The following NFIB variants were observed in gnomAD, a reference collection of about 807,000 sequenced individuals.
NFIB encodes nuclear factor I B.
In NFIB, 11 loss-of-function variants were observed where a neutral mutation model predicts 61.5. That is an observed-to-expected ratio of 0.18 (90% confidence interval 0.11 to 0.30). NFIB has a LOEUF of 0.30. Ranked by LOEUF, NFIB falls within the 10% of genes least tolerant of loss-of-function variation. The probability of loss-of-function intolerance (pLI) is 1.00; values close to 1 mark genes in which losing one functional copy is unlikely to be tolerated. For synonymous variants in NFIB, 260 were observed against 216.5 expected, an observed-to-expected ratio of 1.20 and a Z score of -1.76; for missense variants, 471 against 608.9, an observed-to-expected ratio of 0.77 and a Z score of 2.38.
At chr9:14,424,946 G>A in the NFIB span, among the ~76,000 whole-genome samples, 1 of 152,122 alleles carries the variant, frequency 6.6e-6, no homozygotes, top group East Asian at 1.9e-4. Context: ...AAGAAAGGGT[G>A]GAAAGTGAAT....
At chr9:14,289,479 G>C (rs1400596401) in intron 2 of NFIB, among the ~76,000 whole-genome samples, 1 of 151,026 alleles carries the variant, frequency 6.6e-6, no homozygotes, top group Non-Finnish European at 1.5e-5. Flanking sequence ...ATATATATTT[G>C]GTATACCAAT....
the NFIB span, among the ~76,000 whole-genome samples, chr9:14,501,247 G>T: frequency 6.6e-6 from 1 of 152,112 alleles, no homozygotes; most frequent in Non-Finnish European, 1.5e-5. Flanking sequence ...CCGCTCCTAT[G>T]ATCATACTAT....
chr9:14,440,468 T>C, the NFIB span, among the ~76,000 whole-genome samples: 1 of 152,210 alleles, frequency 6.6e-6, no homozygotes, highest in Non-Finnish European at 1.5e-5. Context: ...ACAAATATAC[T>C]TGTTGAATTA....
chr9:14,181,683 T>A (rs1587381051), intron 2 of NFIB, among the ~76,000 whole-genome samples: 1 of 152,212 alleles, frequency 6.6e-6, no homozygotes, highest in East Asian at 1.9e-4. Flanking sequence ...TACATTCCAG[T>A]TTAATTTCTC....
At chr9:14,214,738 T>C (rs1357118976) in intron 2 of NFIB, among the ~76,000 whole-genome samples, 2 of 152,236 alleles carry the variant, frequency 1.3e-5, no homozygotes, top group Non-Finnish European at 2.9e-5. Context: ...TGTTTCTATT[T>C]TCTTGGTCCT....
At chr9:14,202,731 G>A (rs1167156535) in intron 2 of NFIB, among the ~76,000 whole-genome samples, 1 of 152,042 alleles carries the variant, frequency 6.6e-6, no homozygotes, top group Non-Finnish European at 1.5e-5. Flanking sequence ...CTGAGAAATG[G>A]GTAAGCAAAT....
chr9:14,297,679 T>C (rs1277851792), intron 2 of NFIB, among the ~76,000 whole-genome samples: 3 of 152,246 alleles, frequency 2.0e-5, no homozygotes, highest in African/African-American at 7.2e-5. Context: ...GTATAAACAG[T>C]ACGCAACACG....
At chr9:14,529,179 C>G in the NFIB span, among the ~76,000 whole-genome samples, 1 of 152,058 alleles carries the variant, frequency 6.6e-6, no homozygotes, top group Non-Finnish European at 1.5e-5. Flanking sequence ...ACATGCCTGT[C>G]TAGGAAGGAA....
intron 10 of NFIB, among the ~76,000 whole-genome samples, chr9:14,092,306 T>C (rs539231886): frequency 3.3e-5 from 5 of 152,194 alleles, no homozygotes; most frequent in East Asian, 3.9e-4. Flanking sequence ...TTCCAGACGA[T>C]AGCCATGCTG....
chr9:14,186,408 T>C (rs2047340335), intron 2 of NFIB, among the ~76,000 whole-genome samples: 1 of 152,182 alleles, frequency 6.6e-6, no homozygotes, highest in South Asian at 2.1e-4. Context: ...AGTCTCTTTC[T>C]TTCTCTCTAA....
At chr9:14,497,158 G>T in the NFIB span, among the ~76,000 whole-genome samples, 2 of 152,152 alleles carry the variant, frequency 1.3e-5, no homozygotes. Context: ...TATATTCCAG[G>T]TATCTAGGTT....
chr9:14,108,027 A>G (rs2036818978), intron 10 of NFIB, among the ~76,000 whole-genome samples: 1 of 152,150 alleles, frequency 6.6e-6, no homozygotes, highest in Non-Finnish European at 1.5e-5. Flanking sequence ...CAATGGAAGG[A>G]TTTTTTGAAT....
chr9:14,161,900 G>A (rs897135358), intron 3 of NFIB, among the ~76,000 whole-genome samples: 1 of 152,048 alleles, frequency 6.6e-6, no homozygotes, highest in African/African-American at 2.4e-5. Context: ...CACTCCTTAG[G>A]GCAAGCTGTG....
the NFIB span, among the ~76,000 whole-genome samples, chr9:14,433,470 AC>A: frequency 6.6e-6 from 1 of 152,232 alleles, no homozygotes; most frequent in Non-Finnish European, 1.5e-5. Flanking sequence ...TCCTGCAATT[AC>A]TGATAAGGGA....
intron 4 of NFIB, among the ~76,000 whole-genome samples, chr9:14,153,359 T>A (rs2043062539): frequency 6.6e-6 from 1 of 152,018 alleles, no homozygotes; most frequent in African/African-American, 2.4e-5. Context: ...CAAGTCTCAG[T>A]CAGATATTCC....
At chr9:14,346,260 T>C (rs1453777781) in intron 1 of NFIB, among the ~76,000 whole-genome samples, 1 of 147,440 alleles carries the variant, frequency 6.8e-6, no homozygotes, top group Non-Finnish European at 1.5e-5. Flanking sequence ...GGTGGAGATT[T>C]CATATCCGCA....
the NFIB span, among the ~76,000 whole-genome samples, chr9:14,471,647 G>A: frequency 4.6e-5 from 7 of 152,198 alleles, no homozygotes; most frequent in South Asian, 1.0e-3. Context: ...GTGGGGAGTA[G>A]AATTTAAGGT....
In NFIB at chr9:14,299,989, C is replaced by T. The variant is rs1273168674; in HGVS notation, c.562+7000G>A. On this transcript the variant is annotated intron_variant, in intron 2 of 10. Transcript: ENST00000380953. The stretch of plus-strand genomic sequence containing the variant: ...AACCATTCAAGTCCTATTAGTCTCA[C>T]TCTAACGTTCAATCTAATACAAGCT... 2.0e-5 allele frequency among the ~76,000 whole-genome samples: 3 copies of T among 152,320 alleles called. No homozygotes were observed. The East Asian group carries it at 5.8e-4, about 29-fold the overall frequency.
At chr9:14,410,310 C>T in the NFIB span, among the ~76,000 whole-genome samples, 15 of 152,008 alleles carry the variant, frequency 9.9e-5, no homozygotes, top group Non-Finnish European at 2.1e-4. Context: ...TCCATATTTT[C>T]ATATTTTGCC....
Sources: gnomAD v4.1 joint callset for allele counts (sites outside exome capture counted in the v4.1 genomes callset) on GRCh38, gnomAD v4.1.1 for gene constraint, MANE v1.5 for transcripts, NCBI Gene and HGNC (gene_info 2026-07-23, HGNC 2026-07-21) for gene names.